UGT2B10: variants seen among roughly 807,000 people sequenced by gnomAD.
The protein encoded by UGT2B10 is UDP-glucuronosyltransferase 2B10.
UGT2B10 carries 51 observed loss-of-function variants against 43.7 expected under a neutral mutation model. The observed-to-expected ratio is 1.17, with a 90% CI of 0.93 to 1.47. The LOEUF is 1.47. Ranked by LOEUF, UGT2B10 falls within the 40% of genes most tolerant of loss-of-function variation. UGT2B10 has a pLI of 0.00. For synonymous variants in UGT2B10, 225 were observed against 209.0 expected, an observed-to-expected ratio of 1.08 and a Z score of -0.66; for missense variants, 696 against 617.7, an observed-to-expected ratio of 1.13 and a Z score of -1.34.
chr4:68,825,199 C>T (rs1371645759), intron 3 of UGT2B10, among the ~76,000 whole-genome samples: 4 of 151,920 alleles, frequency 2.6e-5, no homozygotes, highest in East Asian at 1.9e-4. Flanking sequence ...TGAAAACTAA[C>T]ATAAAATACA....
chr4:68,823,404 C>G (rs2670430), intron 3 of UGT2B10, among the ~76,000 whole-genome samples: 126,156 of 151,864 alleles, frequency 0.83, 53,204 homozygotes, highest in East Asian at 1. Flanking sequence ...CTATTCAGGA[C>G]ACTGAGGCAG....
At chr4:68,821,051 T>A (rs535348702) in intron 2 of UGT2B10, among the ~76,000 whole-genome samples, 345 of 152,224 alleles carry the variant, frequency 2.3e-3, no homozygotes, top group African/African-American at 7.9e-3. Flanking sequence ...AATACCTAGA[T>A]GCCCCAAGTA....
chr4:68,827,209 A>T, intron 4 of UGT2B10, 120 bp from the exon 5 acceptor site: 1 of 1,520,808 alleles, frequency 6.6e-7, no homozygotes, highest in Non-Finnish European at 9.0e-7. Flanking sequence ...CTGAAATCTG[A>T]AAAGTAATAG....
chr4:68,821,096 A>C (rs1469481567), intron 2 of UGT2B10, among the ~76,000 whole-genome samples: 1 of 152,180 alleles, frequency 6.6e-6, no homozygotes, highest in African/African-American at 2.4e-5. Flanking sequence ...CTCTCACGTT[A>C]ACTTAAGATT....
chr4:68,818,282 A>G, intron 2 of UGT2B10, 105 bp downstream of exon 2: 1 of 1,552,640 alleles, frequency 6.4e-7, no homozygotes, highest in Non-Finnish European at 8.6e-7. Flanking sequence ...AAAGATGGGA[A>G]GTAGGTGGGG....
chr4:68,823,764 A>G (rs1212151498), intron 3 of UGT2B10, among the ~76,000 whole-genome samples: 1 of 152,184 alleles, frequency 6.6e-6, no homozygotes, highest in African/African-American at 2.4e-5. Context: ...AGCACTAATT[A>G]TCTCAGATAT....
intron 2 of UGT2B10, among the ~76,000 whole-genome samples, chr4:68,818,438 A>C (rs1737331820): frequency 1.3e-5 from 2 of 151,874 alleles, no homozygotes; most frequent in South Asian, 4.1e-4. Context: ...TGCAACACCT[A>C]AGAAGGTATT....
chr4:68,818,643 G>A (rs1401638254), intron 2 of UGT2B10, among the ~76,000 whole-genome samples: 2 of 151,716 alleles, frequency 1.3e-5, no homozygotes, highest in African/African-American at 2.4e-5. Context: ...TGCTAAGAAA[G>A]CATCAGTGGA....
intron 1 of UGT2B10, 102 bp from the exon 2 acceptor site, chr4:68,817,927 C>G: frequency 7.1e-7 from 1 of 1,407,464 alleles, no homozygotes; most frequent in East Asian, 2.5e-5. Flanking sequence ...AGCACACAAA[C>G]TTTACCAACA....
rs184109066 is a variant in UGT2B10, at chr4:68,816,592, C to G, written c.573C>G (p.Ser191=). 1.7e-5 allele frequency: 27 copies of G among 1,612,894 alleles called. No individual in the cohort carries two copies. The highest frequency in any genetic ancestry group is 2.3e-5 in the Non-Finnish European group (27 of 1,179,352). ...GTGGAGGATTTATTTTCCCTCCTTC[C>G]TACGTACCTGTTGTTATGTCAAAAT... is the stretch of plus-strand genomic sequence containing the variant. ...RHSGGFIFPP[S]YVPVVMSKLS... Residue 191 remains serine, a synonymous_variant, in exon 1 of 6, where the codon TCC becomes TCG. Transcript: ENST00000265403.
At chr4:68,816,796 A>G in intron 1 of UGT2B10, 59 bp downstream of exon 1, 1 of 1,372,912 alleles carries the variant, frequency 7.3e-7, no homozygotes, top group Non-Finnish European at 9.9e-7. Flanking sequence ...TTTGAAGCAC[A>G]ACTTGCATAA....
Position 68,820,538 on chromosome 4 carries a change from A to G in UGT2B10, c.868-1733A>G, listed in dbSNP as rs570285855. On this transcript the variant is annotated intron_variant, in intron 2 of 5. Transcript: ENST00000265403. ...ATGTTACATGAAATAATGATTAGAA[A>G]CATATGCCTACAATAGCACTAAAAT... Among the ~76,000 whole-genome samples the G allele has an allele frequency of 3.1e-4, 47 of 152,164 alleles. No homozygotes were observed. In the East Asian group the frequency reaches 7.7e-3, roughly 25 times the overall value.
intron 2 of UGT2B10, 131 bp downstream of exon 2, chr4:68,818,308 T>C: frequency 6.7e-7 from 1 of 1,483,110 alleles, no homozygotes; most frequent in Non-Finnish European, 9.0e-7. Context: ...CAGATACCAA[T>C]TAGAAACTCA....
intron 2 of UGT2B10, among the ~76,000 whole-genome samples, 196 bp from the exon 3 acceptor site, chr4:68,822,075 T>A (rs1282828571): frequency 2.0e-5 from 3 of 152,092 alleles, no homozygotes; most frequent in African/African-American, 7.2e-5. Context: ...TACACAAATA[T>A]CCTTAACAGA....
chr4:68,825,163 G>A (rs1432797178), intron 3 of UGT2B10, among the ~76,000 whole-genome samples: 16 of 151,648 alleles, frequency 1.1e-4, no homozygotes, highest in Non-Finnish European at 2.9e-5. Context: ...AAAAAGAAAC[G>A]AATACATTAC....
In UGT2B10 at chr4:68,822,330, G is replaced by A; in HGVS notation, c.927G>A (p.Gly309=). Residue 309 remains glycine, a synonymous_variant, in exon 3 of 6, where the codon GGG becomes GGA. Coordinates refer to ENST00000265403, the MANE Select transcript of UGT2B10 (RefSeq NM_001075.6). ...GENGVVVFSL[G]SMVSNMTEER... ...ATGGTGTTGTGGTGTTTTCTCTGGG[G>A]TCAATGGTCAGTAACATGACAGAAG... 6.2e-7 allele frequency: 1 copy of A among 1,613,584 alleles called. No homozygotes were observed.
chr4:68,822,336 G>T lies in UGT2B10; in HGVS notation c.933G>T (p.Met311Ile). 1.2e-6 allele frequency: 2 copies of T among 1,613,596 alleles called. No individual in the cohort carries two copies. Among genetic ancestry groups the T allele is most frequent in the Non-Finnish European group, 1.7e-6 (2 of 1,179,820 alleles). Residue 311 changes from methionine to isoleucine, a missense_variant, in exon 3 of 6, where the codon ATG becomes ATT. Met to Ile is a conservative substitution (Grantham distance 10). Coordinates refer to ENST00000265403, the MANE Select transcript of UGT2B10 (RefSeq NM_001075.6). ...NGVVVFSLGSMVSNMTEERAN... is the reference protein window; with the variant it reads ...NGVVVFSLGSIVSNMTEERAN... ...TTGTGGTGTTTTCTCTGGGGTCAAT[G>T]GTCAGTAACATGACAGAAGAAAGGG...
At chr4:68,822,551 A>C in intron 3 of UGT2B10, 149 bp downstream of exon 3, 1 of 1,520,624 alleles carries the variant, frequency 6.6e-7, no homozygotes, top group Non-Finnish European at 8.8e-7. Flanking sequence ...CACTGACAGA[A>C]GTAATAGTTG....
At chr4:68,826,829 C>G (rs1045414915) in intron 4 of UGT2B10, among the ~76,000 whole-genome samples, 13 of 152,066 alleles carry the variant, frequency 8.5e-5, no homozygotes, top group Non-Finnish European at 2.9e-5. Flanking sequence ...AGGGTTATTT[C>G]AAATGCCACT....
Sources: gnomAD v4.1 joint callset for allele counts (sites outside exome capture counted in the v4.1 genomes callset) on GRCh38, gnomAD v4.1.1 for gene constraint, MANE v1.5 for transcripts, NCBI Gene and HGNC (gene_info 2026-07-23, HGNC 2026-07-21) for gene names.